Variants in NELL1 observed in about 807,000 individuals in gnomAD.
The protein encoded by NELL1 is neural EGFL like 1.
A neutral mutation model predicts 107.4 loss-of-function variants in NELL1; 76 were observed. The observed-to-expected ratio is 0.71, with a 90% confidence interval of 0.59 to 0.86. The LOEUF is 0.86. Ranked by LOEUF, NELL1 falls within the 40% of genes least tolerant of loss-of-function variation. NELL1 has a pLI of 0.00. For missense variants in NELL1, 1,024 were observed against 1,005.5 expected (o/e 1.02, Z -0.25); for synonymous variants, 353 against 341.2 (o/e 1.03, Z -0.38).
chr11:20,723,057 A>G lies in NELL1; in HGVS notation c.184+44997A>G, dbSNP rs1382160972. Among the ~76,000 whole-genome samples, 4 of 152,222 alleles carry G rather than the reference A, an allele frequency of 2.6e-5. No homozygotes were observed. In the East Asian group the frequency reaches 7.7e-4, roughly 29 times the overall value. On this transcript the variant is annotated intron_variant, in intron 2 of 19. Transcript: ENST00000357134. ...TTATCATGAGAACAGCATGAGAGAA[A>G]CTGCCCCCATGATCCAGTCGCCTCC...
At chr11:20,676,501 T>C (rs572898704) in intron 1 of NELL1, among the ~76,000 whole-genome samples, 58 of 152,054 alleles carry the variant, frequency 3.8e-4, no homozygotes, top group Non-Finnish European at 7.2e-4. Flanking sequence ...AAAACTTAAA[T>C]CTTCAGTTCA....
intron 11 of NELL1, among the ~76,000 whole-genome samples, chr11:20,949,132 T>C (rs1039827111): frequency 6.6e-6 from 1 of 152,192 alleles, no homozygotes; most frequent in African/African-American, 2.4e-5. Flanking sequence ...CCAATGAAAC[T>C]TTATTTACAA....
chr11:21,145,237 C>T (rs1370735343), intron 13 of NELL1, among the ~76,000 whole-genome samples: 2 of 151,874 alleles, frequency 1.3e-5, no homozygotes, highest in East Asian at 3.9e-4. Context: ...ATTATTATTC[C>T]CATTTTACAA....
At chr11:21,365,555 T>G (rs929401590) in intron 14 of NELL1, among the ~76,000 whole-genome samples, 1 of 152,192 alleles carries the variant, frequency 6.6e-6, no homozygotes, top group Non-Finnish European at 1.5e-5. Flanking sequence ...CTGTCATTAT[T>G]ATTATGATTA....
At chr11:20,707,625 T>C (rs1855000710) in intron 2 of NELL1, among the ~76,000 whole-genome samples, 1 of 152,240 alleles carries the variant, frequency 6.6e-6, no homozygotes, top group Non-Finnish European at 1.5e-5. Context: ...TGGAGTTTGC[T>C]GGAGGTCCAT....
At position 21,035,876 on chromosome 11, in the gene NELL1, C is replaced by G. The variant is rs115061969; in HGVS notation, c.1300+75316C>G. Among the ~76,000 whole-genome samples, 513 of 152,142 alleles carry G rather than the reference C, an allele frequency of 3.4e-3. 7 individuals are homozygous for G. Among genetic ancestry groups the G allele is most frequent in the African/African-American group, 0.011 (477 of 41,524 alleles). Reference sequence around the variant, plus strand: ...TCCTATTCAACATAGTATTGGAAGTCTTGGCCAGAGTAATCAGGCAAGAGA... The same window carrying G: ...TCCTATTCAACATAGTATTGGAAGTGTTGGCCAGAGTAATCAGGCAAGAGA... On this transcript the variant is annotated intron_variant, in intron 12 of 19. Transcript: ENST00000357134.
At chr11:21,030,366 G>A (rs1275301909) in intron 12 of NELL1, among the ~76,000 whole-genome samples, 1 of 152,190 alleles carries the variant, frequency 6.6e-6, no homozygotes, top group Non-Finnish European at 1.5e-5. Context: ...CGTACAGACA[G>A]CAGTTATACA....
At chr11:21,447,840 G>T (rs1853472725) in intron 15 of NELL1, among the ~76,000 whole-genome samples, 1 of 152,122 alleles carries the variant, frequency 6.6e-6, no homozygotes, top group Non-Finnish European at 1.5e-5. Flanking sequence ...GGCCTAGACA[G>T]CACATCAAGT....
intron 12 of NELL1, among the ~76,000 whole-genome samples, chr11:21,052,173 C>T (rs1005604189): frequency 1.3e-5 from 2 of 151,886 alleles, no homozygotes; most frequent in African/African-American, 4.8e-5. Flanking sequence ...AACCAGGAGA[C>T]CATTATGTCT....
At chr11:21,004,806 T>C (rs566017180) in intron 12 of NELL1, among the ~76,000 whole-genome samples, 54 of 152,260 alleles carry the variant, frequency 3.5e-4, no homozygotes, top group African/African-American at 1.3e-3. Flanking sequence ...AAAGGAACAT[T>C]GGCTGCAATT....
chr11:20,755,104 C>T (rs1294930928), intron 2 of NELL1, among the ~76,000 whole-genome samples: 1 of 152,184 alleles, frequency 6.6e-6, no homozygotes. Context: ...CCCTCCTTTT[C>T]CCTGCAGGGG....
chr11:20,754,651 T>A (rs1856218631), intron 2 of NELL1, among the ~76,000 whole-genome samples: 1 of 152,216 alleles, frequency 6.6e-6, no homozygotes, highest in South Asian at 2.1e-4. Flanking sequence ...AACATTTTAC[T>A]AAGATATGAC....
chr11:20,682,747 C>T (rs1854219044), intron 2 of NELL1, among the ~76,000 whole-genome samples: 1 of 152,044 alleles, frequency 6.6e-6, no homozygotes, highest in Non-Finnish European at 1.5e-5. Context: ...CCACTTACCT[C>T]TCCCAACCTC....
chr11:21,544,606 A>C (rs1856384592), intron 16 of NELL1, among the ~76,000 whole-genome samples: 2 of 151,946 alleles, frequency 1.3e-5, no homozygotes, highest in Admixed American at 1.3e-4. Flanking sequence ...TAAGAGCTTG[A>C]CATTTCTTTA....
chr11:20,730,969 A>G (rs1362480677), intron 2 of NELL1, among the ~76,000 whole-genome samples: 1 of 152,214 alleles, frequency 6.6e-6, no homozygotes, highest in African/African-American at 2.4e-5. Flanking sequence ...GGAAGGATAC[A>G]TAGATCTCTG....
chr11:20,697,009 TAC>T (rs1854635442), intron 2 of NELL1, among the ~76,000 whole-genome samples: 1 of 152,172 alleles, frequency 6.6e-6, no homozygotes, highest in African/African-American at 2.4e-5. Context: ...AAGAGTATGT[TAC>T]AGTCTGTTTA....
intron 5 of NELL1, among the ~76,000 whole-genome samples, chr11:20,903,372 C>T (rs1849920439): frequency 2.0e-5 from 3 of 151,874 alleles, no homozygotes; most frequent in African/African-American, 4.8e-5. Flanking sequence ...GTTCTCAGTC[C>T]TGAAAAGACA....
Position 20,712,792 on chromosome 11 carries a change from G to A in NELL1, c.184+34732G>A, listed in dbSNP as rs561448568. Among the ~76,000 whole-genome samples, 175 of 152,316 alleles carry A rather than the reference G, an allele frequency of 1.1e-3. 2 individuals are homozygous for A. Among genetic ancestry groups the A allele is most frequent in the South Asian group, 8.1e-3 (39 of 4,830 alleles). ...TGGGGCTACCAGGCTCTAGGCTGGT[G>A]CTGGAGAATGTTTGCAACAAGTCCT... On this transcript the variant is annotated intron_variant, in intron 2 of 19. Transcript: ENST00000357134.
intron 15 of NELL1, among the ~76,000 whole-genome samples, chr11:21,385,471 A>G (rs150322254): frequency 2.0e-3 from 307 of 151,918 alleles, no homozygotes; most frequent in African/African-American, 6.8e-3. Context: ...GTTATCCTTG[A>G]TGTCTCCTTC....
Sources: gnomAD v4.1 joint callset for allele counts (sites outside exome capture counted in the v4.1 genomes callset) on GRCh38, gnomAD v4.1.1 for gene constraint, MANE v1.5 for transcripts, NCBI Gene and HGNC (gene_info 2026-07-23, HGNC 2026-07-21) for gene names.